NOC3L: variants seen among roughly 807,000 people sequenced by gnomAD.
NOC3L encodes nucleolar complex protein 3 homolog.
Under a neutral mutation model 102.5 loss-of-function variants are expected in NOC3L, and 85 were observed. The ratio of observed to expected loss-of-function variants is 0.83; its 90% CI spans 0.70 to 0.99. NOC3L has a LOEUF of 0.99. Ranked by LOEUF, NOC3L falls within the 50% of genes least tolerant of loss-of-function variation. The probability of loss-of-function intolerance (pLI) is 0.00; values close to 1 mark genes in which losing one functional copy is unlikely to be tolerated. For synonymous variants in NOC3L, 303 were observed against 309.4 expected (o/e 0.98, Z 0.22); for missense variants, 878 against 914.9 (o/e 0.96, Z 0.52).
chr10:94,349,168 T>C (rs961084530), intron 10 of NOC3L, 82 bp downstream of exon 10: 23 of 1,467,934 alleles, frequency 1.6e-5, no homozygotes, highest in African/African-American at 2.9e-5. Flanking sequence ...CATACACTTA[T>C]AAGGAATAAA....
chr10:94,349,383 A>G lies in NOC3L; in HGVS notation c.1129-5T>C. On this transcript the variant is annotated splice_polypyrimidine_tract_variant and splice_region_variant and intron_variant, in intron 9 of 20. Coordinates refer to ENST00000371361, the MANE Select transcript of NOC3L (RefSeq NM_022451.11). ...TTCACAACACATTTCAGATATCTGA[A>G]AAATAAAATGTCATACTTAACCAGT... 6.4e-7 allele frequency: 1 copy of G among 1,572,498 alleles called. No individual in the cohort carries two copies. The highest frequency in any genetic ancestry group is 1.4e-5 in the African/African-American group (1 of 72,038).
intron 9 of NOC3L, 26 bp downstream of exon 9, chr10:94,350,087 A>G: frequency 6.2e-7 from 1 of 1,610,824 alleles, no homozygotes; most frequent in South Asian, 1.1e-5. Context: ...TAAGGAGGAC[A>G]GCAATAACCA....
intron 17 of NOC3L, among the ~76,000 whole-genome samples, chr10:94,338,946 AAATT>A (rs1158664648): frequency 1.3e-5 from 2 of 152,228 alleles, no homozygotes; most frequent in African/African-American, 4.8e-5. Context: ...CTTGCTTTGA[AAATT>A]AATTTTATCT....
intron 13 of NOC3L, among the ~76,000 whole-genome samples, chr10:94,342,669 A>T (rs1049482891): frequency 1.3e-5 from 2 of 151,734 alleles, no homozygotes; most frequent in African/African-American, 4.8e-5. Flanking sequence ...TAAATTTTTT[A>T]AAAATTAAGT....
chr10:94,318,774 C>T, the NOC3L span, among the ~76,000 whole-genome samples: 1 of 152,128 alleles, frequency 6.6e-6, no homozygotes, highest in East Asian at 1.9e-4. Context: ...ATGTATACCA[C>T]AACAAGCTGG....
Position 94,337,830 on chromosome 10 carries a change from G to C in NOC3L, c.2136C>G (p.Ile712Met). 2.5e-6 allele frequency: 4 copies of C among 1,613,998 alleles called. No individual in the cohort carries two copies. Among genetic ancestry groups the C allele is most frequent in the Non-Finnish European group, 3.4e-6 (4 of 1,179,946 alleles). Residue 712 changes from isoleucine (I) to methionine (M), a missense_variant, in exon 19 of 21, where the codon ATC (isoleucine) becomes ATG (methionine). Transcript: ENST00000371361. ...PIVQRFAAHL[I>M]AGAPSEGSGA... ...CAGAGCCTTCAGAAGGTGCTCCAGC[G>C]ATCAGGTGGGCTGCAAATCTCTGCA... is the stretch of plus-strand genomic sequence containing the variant.
Position 94,334,214 on chromosome 10 carries a change from A to G in NOC3L, c.2366T>C (p.Leu789Pro). Reference sequence around the variant, plus strand: ...TGTTTTCAAATATTTCGTGAAATCCAGAGGCGATTCAGTAGCAACTTCACT... The same window carrying G: ...TGTTTTCAAATATTTCGTGAAATCCGGAGGCGATTCAGTAGCAACTTCACT... Reference protein sequence around the residue: ...YSSEVATESPLDFTKYLKTSL... With the variant: ...YSSEVATESPPDFTKYLKTSL... The change falls in exon 21 of 21, where the codon CTG (leucine) becomes CCG (proline). Residue 789 changes from leucine to proline, a missense_variant. By Grantham distance (98) the Leu-to-Pro change is moderately conservative. Coordinates refer to ENST00000371361, the MANE Select transcript of NOC3L (RefSeq NM_022451.11). 1 of 1,599,622 alleles carries G rather than the reference A, an allele frequency of 6.3e-7. No individual in the cohort carries two copies. Among genetic ancestry groups the G allele is most frequent in the Non-Finnish European group, 8.6e-7 (1 of 1,167,298 alleles).
At chr10:94,328,180 C>T in the NOC3L span, 1 of 290,430 alleles carries the variant, frequency 3.4e-6, no homozygotes, top group Non-Finnish European at 7.4e-6. Context: ...TTATAAATGT[C>T]AGCAGTTGGA....
intron 1 of NOC3L, among the ~76,000 whole-genome samples, chr10:94,362,191 A>G (rs1020175273): frequency 6.6e-6 from 1 of 152,220 alleles, no homozygotes; most frequent in Non-Finnish European, 1.5e-5. Flanking sequence ...ATTCAAAGCA[A>G]AATGCTGGCT....
At chr10:94,358,637 G>A (rs1166617765) in intron 2 of NOC3L, among the ~76,000 whole-genome samples, 1 of 152,064 alleles carries the variant, frequency 6.6e-6, no homozygotes, top group African/African-American at 2.4e-5. Context: ...CTTTCACTTC[G>A]TATTCCATTT....
the NOC3L span, chr10:94,321,856 T>C: frequency 6.8e-7 from 1 of 1,460,126 alleles, no homozygotes; most frequent in Non-Finnish European, 9.6e-7. Context: ...TTCTTTATTC[T>C]GCATAAACCT....
At chr10:94,350,597 A>T (rs1320518648) in intron 8 of NOC3L, among the ~76,000 whole-genome samples, 6 of 151,802 alleles carry the variant, frequency 4.0e-5, no homozygotes, top group Non-Finnish European at 8.8e-5. Flanking sequence ...ACACGCCTGT[A>T]GTCCCAGCTA....
chr10:94,358,975 G>A (rs544523583), intron 2 of NOC3L, among the ~76,000 whole-genome samples: 13 of 151,518 alleles, frequency 8.6e-5, no homozygotes, highest in South Asian at 2.1e-4. Context: ...CACTGTCTGC[G>A]TCTTGCTCTC....
intron 8 of NOC3L, among the ~76,000 whole-genome samples, chr10:94,350,809 A>T (rs1219356380): frequency 6.6e-6 from 1 of 152,002 alleles, no homozygotes; most frequent in African/African-American, 2.4e-5. Context: ...TAACTGCCAC[A>T]TATAGGAGTC....
chr10:94,356,723 T>C (rs77885225), intron 4 of NOC3L, 132 bp from the exon 5 acceptor site: 17 of 638,172 alleles, frequency 2.7e-5, no homozygotes, highest in East Asian at 2.6e-4. Context: ...CAATTAGTGA[T>C]TGAGGTGAGC....
chr10:94,338,596 G>C lies in NOC3L; in HGVS notation c.2091+12C>G. The C allele has an allele frequency of 6.7e-7, 1 of 1,499,502 alleles. No individual in the cohort carries two copies. Among genetic ancestry groups the C allele is most frequent in the Non-Finnish European group, 8.9e-7 (1 of 1,117,764 alleles). 92.9% of individuals were successfully genotyped at this position (1,499,502 alleles called of 1,614,324 possible). Reference sequence around the variant, plus strand: ...ACATCCCCAAAAAGAAAAAAACCAGGGCCACTCTTACCCGCAGAGCATGCA... The same window carrying C: ...ACATCCCCAAAAAGAAAAAAACCAGCGCCACTCTTACCCGCAGAGCATGCA... On this transcript the variant is annotated intron_variant, in intron 18 of 20. Transcript: ENST00000371361.
intron 3 of NOC3L, 151 bp from the exon 4 acceptor site, chr10:94,357,482 GCACT>G (rs2054502545): frequency 6.5e-6 from 3 of 464,768 alleles, no homozygotes; most frequent in Middle Eastern, 5.7e-4. Flanking sequence ...CACATAGCAG[GCACT>G]CAAACAGCAA....
chr10:94,330,776 A>T (rs1276570245), downstream of NOC3L: 1 of 152,234 alleles, frequency 6.6e-6, no homozygotes, highest in Non-Finnish European at 1.5e-5. Flanking sequence ...AAAATATTTA[A>T]GTTTTATTTA....
At chr10:94,347,792 A>G (rs1333291541) in intron 10 of NOC3L, among the ~76,000 whole-genome samples, 4 of 152,150 alleles carry the variant, frequency 2.6e-5, no homozygotes. Context: ...ATTCTTGAAT[A>G]GAAAAAAATC....
Sources: gnomAD v4.1 joint callset for allele counts (sites outside exome capture counted in the v4.1 genomes callset) on GRCh38, gnomAD v4.1.1 for gene constraint, MANE v1.5 for transcripts, NCBI Gene and HGNC (gene_info 2026-07-23, HGNC 2026-07-21) for gene names.